The following MEF2C variants were observed in gnomAD, a reference collection of about 807,000 sequenced individuals.
MEF2C encodes myocyte enhancer factor 2C.
A neutral mutation model predicts 50.5 loss-of-function variants in MEF2C; 6 were observed. That is an observed-to-expected ratio of 0.12 (90% CI 0.07 to 0.23). The LOEUF is 0.23. MEF2C is among the 10% of genes least tolerant of loss of function. MEF2C has a pLI of 1.00. For missense variants in MEF2C, 276 were observed against 605.0 expected (o/e 0.46, Z 5.70); for synonymous variants, 183 against 228.0 (o/e 0.80, Z 1.78).
intron 1 of MEF2C, among the ~76,000 whole-genome samples, chr5:88,825,066 T>C (rs1012520539): frequency 6.6e-6 from 1 of 151,924 alleles, no homozygotes; most frequent in African/African-American, 2.4e-5. Flanking sequence ...CCCTGTTTAT[T>C]TTAGCTGGTG....
intron 1 of MEF2C, among the ~76,000 whole-genome samples, chr5:88,855,383 A>T (rs1822924229): frequency 6.6e-6 from 1 of 152,184 alleles, no homozygotes; most frequent in Non-Finnish European, 1.5e-5. Context: ...TACTTCTTTT[A>T]ACGATTTTGG....
In MEF2C at chr5:88,735,272, G is replaced by C. The variant is rs940148159; in HGVS notation, c.638-3371C>G. 3 of 985,240 alleles carry C rather than the reference G, an allele frequency of 3.0e-6. No individual in the cohort carries two copies. In the African/African-American group the frequency reaches 5.2e-5, roughly 17 times the overall value. The allele number at this position is 985,240 out of a possible 1,614,324, so 61.0% of individuals were successfully genotyped here. On this transcript the variant is annotated intron_variant, in intron 6 of 10. Coordinates refer to ENST00000504921, the MANE Select transcript of MEF2C (RefSeq NM_002397.5). ...GATAAATTCACCAAAGAGAATGGTC[G>C]CATTTAAATTCAGGGGTCCGGGAGG...
In MEF2C at chr5:88,720,696, T is replaced by G. The variant is rs1289759917; in HGVS notation, c.*1908A>C. On this transcript the variant is annotated 3_prime_UTR_variant, in exon 11 of 11. Transcript: ENST00000504921. ...AAAATCTTTCCTAGACTGAAATATCTTTTAAACAATATATATTGACTTTCT... is the reference window on the plus strand; with the variant it reads ...AAAATCTTTCCTAGACTGAAATATCGTTTAAACAATATATATTGACTTTCT... 1 of 152,590 alleles carries G rather than the reference T, an allele frequency of 6.6e-6. No individual in the cohort carries two copies. The highest frequency in any genetic ancestry group is 1.9e-4 in the East Asian group (1 of 5,194). 9.5% of individuals were successfully genotyped at this position (152,590 alleles called of 1,614,324 possible).
intron 5 of MEF2C, chr5:88,751,095 C>T: frequency 2.0e-6 from 2 of 983,486 alleles, no homozygotes; most frequent in Middle Eastern, 5.2e-4. Flanking sequence ...ATCAAGAGAA[C>T]ATTCTTCCCT....
At chr5:88,848,866 T>C (rs751562347) in intron 1 of MEF2C, among the ~76,000 whole-genome samples, 3 of 152,078 alleles carry the variant, frequency 2.0e-5, no homozygotes, top group Non-Finnish European at 4.4e-5. Context: ...AATAATATTA[T>C]TGTGAGCCAG....
chr5:88,825,273 T>C (rs1409280544), intron 1 of MEF2C, among the ~76,000 whole-genome samples: 4 of 151,878 alleles, frequency 2.6e-5, no homozygotes, highest in Non-Finnish European at 4.4e-5. Flanking sequence ...GTATTTTTTT[T>C]TTTTTTAGTT....
In MEF2C at chr5:88,808,196, A is replaced by T. The variant is rs1356557014; in HGVS notation, c.55-3395T>A. On this transcript the variant is annotated intron_variant, in intron 2 of 10. Transcript: ENST00000504921. ...AATATTTCTTTTAGATCCAATTTTG[A>T]TATGAAAATGTACCTGCATATTGGC... Among the ~76,000 whole-genome samples the T allele has an allele frequency of 4.6e-5, 7 of 152,210 alleles. No homozygotes were observed. In the South Asian group the frequency reaches 8.3e-4, roughly 18 times the overall value.
At chr5:88,806,956 TA>T (rs1379798432) in intron 2 of MEF2C, among the ~76,000 whole-genome samples, 2 of 152,182 alleles carry the variant, frequency 1.3e-5, no homozygotes, top group African/African-American at 4.8e-5. Context: ...TAAAAATTGA[TA>T]GGGGAAGCTA....
At chr5:88,734,104 T>C (rs1762835559) in intron 6 of MEF2C, 1 of 984,892 alleles carries the variant, frequency 1.0e-6, no homozygotes, top group African/African-American at 1.7e-5. Flanking sequence ...AGAGGAGTTT[T>C]ATATTTAATA....
At chr5:88,859,091 C>A (rs549371294) in intron 1 of MEF2C, among the ~76,000 whole-genome samples, 1 of 152,324 alleles carries the variant, frequency 6.6e-6, no homozygotes, top group South Asian at 2.1e-4. Flanking sequence ...ATTTGTATTA[C>A]AACATCCATA....
intron 3 of MEF2C, among the ~76,000 whole-genome samples, chr5:88,771,136 T>C (rs914178154): frequency 4.6e-5 from 7 of 152,204 alleles, no homozygotes; most frequent in African/African-American, 1.4e-4. Context: ...ATGGGAATGA[T>C]CCATCCCCAA....
chr5:88,870,708 A>G (rs1315042511), intron 1 of MEF2C, among the ~76,000 whole-genome samples: 3 of 152,224 alleles, frequency 2.0e-5, no homozygotes, highest in Non-Finnish European at 4.4e-5. Flanking sequence ...TCTCAGCACT[A>G]AATATTGACT....
chr5:88,754,377 C>A (rs1774274534), intron 4 of MEF2C, among the ~76,000 whole-genome samples: 2 of 152,210 alleles, frequency 1.3e-5, no homozygotes, highest in African/African-American at 4.8e-5. Context: ...AGGTTGCAAG[C>A]CCTAATGTAC....
intron 6 of MEF2C, chr5:88,735,287 G>C: frequency 1.0e-6 from 1 of 985,272 alleles, no homozygotes; most frequent in Non-Finnish European, 1.2e-6. Context: ...TAAATTCAGG[G>C]GTCCGGGAGG....
intron 3 of MEF2C, among the ~76,000 whole-genome samples, chr5:88,771,025 G>C (rs897736614): frequency 2.0e-5 from 3 of 152,230 alleles, no homozygotes. Context: ...AGAAGCAAAG[G>C]CATGTCCTAC....
intron 6 of MEF2C, chr5:88,736,630 G>A: frequency 1.0e-6 from 1 of 984,684 alleles, no homozygotes; most frequent in South Asian, 4.7e-5. Context: ...CCTTAAAGCT[G>A]TATGCAAACT....
chr5:88,734,704 A>G (rs1763397201), intron 6 of MEF2C: 2 of 983,676 alleles, frequency 2.0e-6, no homozygotes, highest in Admixed American at 6.2e-5. Flanking sequence ...AAAAAAGTAA[A>G]TATACATTGT....
intron 4 of MEF2C, among the ~76,000 whole-genome samples, chr5:88,753,550 C>T (rs894370547): frequency 6.6e-6 from 1 of 152,124 alleles, no homozygotes; most frequent in Non-Finnish European, 1.5e-5. Flanking sequence ...CCACCACGCC[C>T]AGCTATTTTT....
At chr5:88,777,469 T>C (rs1000092370) in intron 3 of MEF2C, among the ~76,000 whole-genome samples, 3 of 152,262 alleles carry the variant, frequency 2.0e-5, no homozygotes, top group Non-Finnish European at 4.4e-5. Flanking sequence ...AGTTAGTGAG[T>C]GGTGGAACCA....
Sources: gnomAD v4.1 joint callset for allele counts (sites outside exome capture counted in the v4.1 genomes callset) on GRCh38, gnomAD v4.1.1 for gene constraint, MANE v1.5 for transcripts, NCBI Gene and HGNC (gene_info 2026-07-23, HGNC 2026-07-21) for gene names.